Variants in SLC35F4 observed in about 807,000 individuals in gnomAD.
SLC35F4 encodes the protein solute carrier family 35 member F4, also known as chromosome 14 open reading frame 36.
SLC35F4 carries 24 observed loss-of-function variants against 44.2 expected under a neutral mutation model. The ratio of observed to expected loss-of-function variants is 0.54; its 90% confidence interval spans 0.39 to 0.76. The LOEUF (loss-of-function observed/expected upper bound fraction) is 0.76, where lower values mean the gene tolerates loss of function less well. Ranked by LOEUF, SLC35F4 falls within the 30% of genes least tolerant of loss-of-function variation. The pLI, the probability that SLC35F4 is intolerant of heterozygous loss-of-function variation, is 0.00. For synonymous variants in SLC35F4, 238 were observed against 223.6 expected (o/e 1.06, Z -0.57); for missense variants, 562 against 586.1 (o/e 0.96, Z 0.42).
chr14:57,583,147 C>T (rs1487970550), intron 3 of SLC35F4, among the ~76,000 whole-genome samples: 5 of 152,194 alleles, frequency 3.3e-5, no homozygotes, highest in African/African-American at 1.2e-4. Context: ...AAATTACACA[C>T]GCTCACATAC....
intron 1 of SLC35F4, among the ~76,000 whole-genome samples, chr14:57,925,362 GT>G (rs34542432): frequency 7.3e-4 from 111 of 151,864 alleles, no homozygotes; most frequent in African/African-American, 2.7e-3. Flanking sequence ...ATAATGAAGA[GT>G]TTTTTTGAAT....
At chr14:57,774,449 G>A (rs554862026) in intron 1 of SLC35F4, among the ~76,000 whole-genome samples, 20 of 152,190 alleles carry the variant, frequency 1.3e-4, no homozygotes, top group Non-Finnish European at 2.8e-4. Flanking sequence ...AGGGCTTAGT[G>A]TGAGAGCATC....
rs577981983 is a variant in SLC35F4 at position 57,724,646 on chromosome 14, G to T, written c.104-130522C>A. Among the ~76,000 whole-genome samples the T allele has an allele frequency of 7.2e-5, 11 of 152,286 alleles. No individual in the cohort carries two copies. In the East Asian group the frequency reaches 2.1e-3, roughly 29 times the overall value. On this transcript the variant is annotated intron_variant, in intron 1 of 7. Coordinates refer to ENST00000556826, the MANE Select transcript of SLC35F4 (RefSeq NM_001306087.2). ...CCATGGTCTCCACTCCTGCCATCCT[G>T]CATTCTCCCCCCCAGCCTGCACCAG...
intron 1 of SLC35F4, among the ~76,000 whole-genome samples, chr14:57,595,153 T>G (rs2070417389): frequency 6.6e-6 from 1 of 152,234 alleles, no homozygotes; most frequent in South Asian, 2.1e-4. Flanking sequence ...CCACCTATGG[T>G]CTGATATAGT....
chr14:57,691,532 T>C (rs139771889), intron 1 of SLC35F4, among the ~76,000 whole-genome samples: 111 of 152,348 alleles, frequency 7.3e-4, no homozygotes, highest in African/African-American at 2.5e-3. Context: ...CTGAAGCTTA[T>C]ACTGGCTATG....
rs527873801 is a variant in SLC35F4, at chr14:57,570,844, A to AT, written c.934-865dup. On this transcript the variant is annotated intron_variant, in intron 5 of 7. Transcript: ENST00000556826. ...ACTGCTTCTAATTTCAACTGAACTA[A>AT]TTTTTTTTTTCTGTTGAAAGACTTA... Among the ~76,000 whole-genome samples the AT allele has an allele frequency of 3.7e-3, 564 of 150,774 alleles. 5 individuals are homozygous for AT. The highest frequency in any genetic ancestry group is 0.024 in the South Asian group (116 of 4,748).
chr14:57,685,923 T>G lies in SLC35F4; in HGVS notation c.104-91799A>C, dbSNP rs148912644. ...GGGCTTGGAAACCAGATAACCATGTTCATTTGAACTACATGAAAACCAATA... is the reference window on the plus strand; with the variant it reads ...GGGCTTGGAAACCAGATAACCATGTGCATTTGAACTACATGAAAACCAATA... On this transcript the variant is annotated intron_variant, in intron 1 of 7. Coordinates refer to ENST00000556826, the MANE Select transcript of SLC35F4 (RefSeq NM_001306087.2). Among the ~76,000 whole-genome samples, 1,425 of 152,292 alleles carry G rather than the reference T, an allele frequency of 9.4e-3. 21 individuals carry two copies. Among genetic ancestry groups the G allele is most frequent in the South Asian group, 0.016 (77 of 4,824 alleles).
At chr14:57,973,348 T>C (rs1011097687), downstream of SLC35F4, among the ~76,000 whole-genome samples, 2 of 152,212 alleles carry the variant, frequency 1.3e-5, no homozygotes, top group Admixed American at 1.3e-4. Context: ...AGGCTGCTTG[T>C]AATCACTCAC....
chr14:57,778,768 C>T (rs1171940183), intron 1 of SLC35F4, among the ~76,000 whole-genome samples: 1 of 151,832 alleles, frequency 6.6e-6, no homozygotes, highest in African/African-American at 2.4e-5. Context: ...TTATACCAAG[C>T]TCACTCTCAG....
chr14:57,613,614 C>T (rs966797579), intron 1 of SLC35F4, among the ~76,000 whole-genome samples: 2 of 152,214 alleles, frequency 1.3e-5, no homozygotes, highest in Admixed American at 1.3e-4. Context: ...AGATTCAGCA[C>T]AAATTTCTAT....
intron 1 of SLC35F4, among the ~76,000 whole-genome samples, chr14:57,625,234 T>A (rs1486319957): frequency 6.6e-6 from 1 of 151,934 alleles, no homozygotes. Context: ...CATAGGAATA[T>A]CACTTACAAG....
At chr14:57,655,941 A>C (rs1215999101) in intron 1 of SLC35F4, among the ~76,000 whole-genome samples, 1 of 152,122 alleles carries the variant, frequency 6.6e-6, no homozygotes, top group Admixed American at 6.5e-5. Context: ...GTGATCGTCT[A>C]ATCTCATAAT....
At position 57,762,417 on chromosome 14, in the gene SLC35F4, T is replaced by A. The variant is rs2077145795; in HGVS notation, c.103+103306A>T. 1.3e-5 allele frequency among the ~76,000 whole-genome samples: 2 copies of A among 152,214 alleles called. 1 individual carries two copies. The highest frequency in any genetic ancestry group is 4.1e-4 in the South Asian group (2 of 4,830). On this transcript the variant is annotated intron_variant, in intron 1 of 7. Coordinates refer to ENST00000556826, the MANE Select transcript of SLC35F4 (RefSeq NM_001306087.2). Reference sequence around the variant, plus strand: ...CTAGATCTTATCTAGCAGGCTGATTTTTCTAGGGAATTTTACCTTTATTCA... The same window carrying A: ...CTAGATCTTATCTAGCAGGCTGATTATTCTAGGGAATTTTACCTTTATTCA...
At chr14:57,950,270 C>T (rs2141079836) in intron 1 of SLC35F4, among the ~76,000 whole-genome samples, 1 of 151,858 alleles carries the variant, frequency 6.6e-6, no homozygotes, top group Admixed American at 6.6e-5. Context: ...AATTTGAAAG[C>T]CTTGTCTTCA....
At chr14:57,567,252 T>A (rs1380849054) in intron 6 of SLC35F4, among the ~76,000 whole-genome samples, 1 of 152,194 alleles carries the variant, frequency 6.6e-6, no homozygotes, top group Non-Finnish European at 1.5e-5. Context: ...TTAAAACTTA[T>A]CAAAAACACA....
At chr14:57,754,460 C>G (rs2076952638) in intron 1 of SLC35F4, among the ~76,000 whole-genome samples, 1 of 152,116 alleles carries the variant, frequency 6.6e-6, no homozygotes, top group Non-Finnish European at 1.5e-5. Context: ...CATCCTTCTT[C>G]CTGTGAGGTT....
intron 1 of SLC35F4, among the ~76,000 whole-genome samples, chr14:57,932,082 T>G (rs926380161): frequency 2.0e-5 from 3 of 152,198 alleles, no homozygotes; most frequent in Non-Finnish European, 2.9e-5. Flanking sequence ...ATTCCTATAT[T>G]TTATGGGGAA....
chr14:57,788,338 C>T (rs760932166), intron 1 of SLC35F4, among the ~76,000 whole-genome samples: 3 of 151,910 alleles, frequency 2.0e-5, no homozygotes, highest in Non-Finnish European at 2.9e-5. Context: ...AATACTCCAC[C>T]GACAGCACTA....
At chr14:57,700,426 C>T (rs867133991) in intron 1 of SLC35F4, among the ~76,000 whole-genome samples, 1 of 152,292 alleles carries the variant, frequency 6.6e-6, no homozygotes, top group Middle Eastern at 3.4e-3. Flanking sequence ...TAGGACATTA[C>T]TGTACACTAC....
Sources: gnomAD v4.1 joint callset for allele counts (sites outside exome capture counted in the v4.1 genomes callset) on GRCh38, gnomAD v4.1.1 for gene constraint, MANE v1.5 for transcripts, NCBI Gene and HGNC (gene_info 2026-07-23, HGNC 2026-07-21) for gene names.